DNAH14: variants seen among roughly 807,000 people sequenced by gnomAD.
DNAH14 encodes the protein dynein axonemal heavy chain 14, also known as axonemal beta dynein heavy chain 14.
A neutral mutation model predicts 520.9 loss-of-function variants in DNAH14; 478 were observed. That is an observed-to-expected ratio of 0.92 (90% CI 0.85 to 0.99). The LOEUF is 0.99. Ranked by LOEUF, DNAH14 falls within the 50% of genes least tolerant of loss-of-function variation. DNAH14 has a pLI of 0.00. For missense variants in DNAH14, 4,831 were observed against 5,234.5 expected (o/e 0.92, Z 2.38); for synonymous variants, 1,581 against 1,757.2 (o/e 0.90, Z 2.51).
chr1:225,188,700 A>T (rs567366969), intron 37 of DNAH14, among the ~76,000 whole-genome samples: 126 of 151,978 alleles, frequency 8.3e-4, no homozygotes, highest in African/African-American at 2.8e-3. Context: ...GAATTTAAGG[A>T]TTGGCTTTTC....
chr1:225,380,335 C>T lies in DNAH14; in HGVS notation c.12880+13C>T. On this transcript the variant is annotated intron_variant, in intron 80 of 85. Coordinates refer to ENST00000682510, the MANE Select transcript of DNAH14 (RefSeq NM_001367479.1). ...AAAAATCTCAAAGGTGAGCATGGGACAGGAGCTTTTTCCCCTTACCTCACT... is the reference window on the plus strand; with the variant it reads ...AAAAATCTCAAAGGTGAGCATGGGATAGGAGCTTTTTCCCCTTACCTCACT... 6.5e-7 allele frequency: 1 copy of T among 1,545,708 alleles called. No homozygotes were observed.
chr1:224,977,329 G>T (rs926250497), intron 8 of DNAH14, among the ~76,000 whole-genome samples: 3 of 131,440 alleles, frequency 2.3e-5, no homozygotes, highest in East Asian at 2.6e-4. Context: ...ACACTCTGGG[G>T]ACTGTTGTGG....
rs1054368289 is a variant in DNAH14 at position 225,105,625 on chromosome 1, T to C, written c.3867+4741T>C. Among the ~76,000 whole-genome samples the C allele has an allele frequency of 9.9e-4, 151 of 152,150 alleles. 1 individual carries two copies. Among genetic ancestry groups the C allele is most frequent in the Admixed American group, 1.9e-3 (29 of 15,276 alleles). ...TTAGCTCTTCTTGTTGAATTGATCC[T>C]TTTACCATTTTGTAATGGCCTTCTT... On this transcript the variant is annotated intron_variant, in intron 23 of 85. Coordinates refer to ENST00000682510, the MANE Select transcript of DNAH14 (RefSeq NM_001367479.1).
At chr1:225,134,658 C>T (rs2078794322) in intron 27 of DNAH14, among the ~76,000 whole-genome samples, 1 of 152,094 alleles carries the variant, frequency 6.6e-6, no homozygotes, top group Non-Finnish European at 1.5e-5. Flanking sequence ...CATCAGTGTT[C>T]TTCAGGGATA....
chr1:225,291,054 G>T (rs2093877595), intron 55 of DNAH14, among the ~76,000 whole-genome samples: 1 of 151,620 alleles, frequency 6.6e-6, no homozygotes, highest in South Asian at 2.1e-4. Context: ...TCAGCCTCTA[G>T]TATCTTCTGT....
chr1:225,335,585 A>ATC (rs1158697929), intron 66 of DNAH14, among the ~76,000 whole-genome samples: 3 of 149,522 alleles, frequency 2.0e-5, no homozygotes, highest in African/African-American at 7.3e-5. Context: ...GCATATGTGC[A>ATC]TATATGTATA....
chr1:224,942,095 G>T (rs2059459742), intron 1 of DNAH14, among the ~76,000 whole-genome samples: 1 of 152,016 alleles, frequency 6.6e-6, no homozygotes, highest in South Asian at 2.1e-4. Flanking sequence ...AAATTACCTT[G>T]GGCAGTATGG....
Position 225,288,182 on chromosome 1 carries a change from C to T in DNAH14, c.8272-1703C>T, listed in dbSNP as rs201182598. On this transcript the variant is annotated intron_variant, in intron 54 of 85. Transcript: ENST00000682510. The stretch of plus-strand genomic sequence containing the variant: ...TCACAGTGGAGAAACCTGACAAACA[C>T]CGCCTTATCTAGGTGATCAAGTTCA... 2.6e-5 allele frequency among the ~76,000 whole-genome samples: 4 copies of T among 152,052 alleles called. No homozygotes were observed. In the East Asian group the frequency reaches 7.7e-4, roughly 29 times the overall value.
chr1:225,331,324 T>C (rs1220193909), intron 64 of DNAH14, 113 bp from the exon 65 acceptor site: 2 of 1,058,522 alleles, frequency 1.9e-6, no homozygotes, highest in East Asian at 5.4e-5. Flanking sequence ...AGAAAGATTT[T>C]CCAGGATGTG....
At chr1:225,185,122 A>AG (rs539956515) in intron 36 of DNAH14, among the ~76,000 whole-genome samples, 169 bp from the exon 37 acceptor site, 2 of 152,232 alleles carry the variant, frequency 1.3e-5, no homozygotes, top group Non-Finnish European at 2.9e-5. Flanking sequence ...AAAAAAAAAA[A>AG]TCAGTAGCAT....
intron 17 of DNAH14, among the ~76,000 whole-genome samples, chr1:225,057,589 G>A (rs987101692): frequency 3.3e-5 from 5 of 152,112 alleles, no homozygotes; most frequent in South Asian, 2.1e-4. Context: ...GTGAGAGAGG[G>A]CATCCCTGTC....
rs560077320 is a variant in DNAH14, at chr1:225,265,341, A to G, written c.7382A>G (p.Asp2461Gly). 2.8e-5 allele frequency: 43 copies of G among 1,539,784 alleles called. 3 individuals carry two copies. In the Middle Eastern group the frequency reaches 6.7e-4, roughly 24 times the overall value. The change falls in exon 48 of 86, where the codon GAT becomes GGT. Residue 2461 changes from aspartate to glycine, a missense_variant. Physicochemically the swap from Asp to Gly is moderately conservative, Grantham distance 94. Coordinates refer to ENST00000682510, the MANE Select transcript of DNAH14 (RefSeq NM_001367479.1). Reference protein sequence around the residue: ...ILKKLIRRTKDTLGAPKNNRI... With the variant: ...ILKKLIRRTKGTLGAPKNNRI... Reference sequence around the variant, plus strand: ...AAGAAGTTAATAAGAAGAACTAAAGATACTCTTGGAGCACCAAAAAACAAC... The same window carrying G: ...AAGAAGTTAATAAGAAGAACTAAAGGTACTCTTGGAGCACCAAAAAACAAC...
intron 11 of DNAH14, among the ~76,000 whole-genome samples, chr1:225,034,504 T>C (rs2148137281): frequency 6.6e-6 from 1 of 150,750 alleles, no homozygotes; most frequent in Non-Finnish European, 1.5e-5. Flanking sequence ...ATCAAGGATA[T>C]TGGCTTGAAT....
At chr1:225,394,878 T>C (rs943957288) in intron 84 of DNAH14, among the ~76,000 whole-genome samples, 10 of 151,526 alleles carry the variant, frequency 6.6e-5, no homozygotes, top group Non-Finnish European at 1.5e-4. Flanking sequence ...GAGTTGTGTA[T>C]GGCATGAGGT....
chr1:225,335,089 A>T (rs2094895997), intron 66 of DNAH14, among the ~76,000 whole-genome samples: 1 of 148,918 alleles, frequency 6.7e-6, no homozygotes, highest in Non-Finnish European at 1.5e-5. Flanking sequence ...ATATGTACAT[A>T]TATACATATA....
intron 9 of DNAH14, among the ~76,000 whole-genome samples, chr1:225,004,381 A>G (rs538341269): frequency 6.6e-6 from 1 of 152,328 alleles, no homozygotes; most frequent in East Asian, 1.9e-4. Flanking sequence ...GGCAGAGATT[A>G]GCCTTATTTG....
intron 7 of DNAH14, among the ~76,000 whole-genome samples, chr1:224,970,236 C>T (rs924611054): frequency 1.1e-4 from 17 of 152,206 alleles, no homozygotes; most frequent in East Asian, 3.9e-4. Flanking sequence ...GCCCCAGTCC[C>T]GTAACGCTCC....
At chr1:225,252,249 C>A in intron 43 of DNAH14, 52 bp from the exon 44 acceptor site, 1 of 960,402 alleles carries the variant, frequency 1.0e-6, no homozygotes, top group Non-Finnish European at 1.6e-6. Flanking sequence ...GTTAGTGAAA[C>A]ATTCCATAAC....
chr1:225,326,875 CA>C (rs2094683737), intron 64 of DNAH14, among the ~76,000 whole-genome samples: 1 of 151,444 alleles, frequency 6.6e-6, no homozygotes, highest in African/African-American at 2.4e-5. Flanking sequence ...AAAGCTTAAA[CA>C]ATCCAAAAAT....
Sources: gnomAD v4.1 joint callset for allele counts (sites outside exome capture counted in the v4.1 genomes callset) on GRCh38, gnomAD v4.1.1 for gene constraint, MANE v1.5 for transcripts, NCBI Gene and HGNC (gene_info 2026-07-23, HGNC 2026-07-21) for gene names.